COL4A3: variants seen among roughly 807,000 people sequenced by gnomAD.
COL4A3 encodes collagen type IV alpha 3 chain.
A neutral mutation model predicts 217.4 loss-of-function variants in COL4A3; 135 were observed. That is an observed-to-expected ratio of 0.62 (90% CI 0.54 to 0.72). The LOEUF (loss-of-function observed/expected upper bound fraction) is 0.72, where lower values mean the gene tolerates loss of function less well. Among genes scored for constraint, COL4A3 ranks in the 30% least tolerant of loss-of-function variants. COL4A3 has a pLI of 0.00. For missense variants in COL4A3, 1,868 were observed against 2,119.9 expected (o/e 0.88, Z 2.33); for synonymous variants, 690 against 736.3 (o/e 0.94, Z 1.02).
intron 1 of COL4A3, among the ~76,000 whole-genome samples, chr2:227,185,370 T>G (rs909608535): frequency 6.6e-6 from 1 of 152,144 alleles, no homozygotes; most frequent in African/African-American, 2.4e-5. Flanking sequence ...CAAGTGTGAG[T>G]GCACAGTGCT....
intron 1 of COL4A3, among the ~76,000 whole-genome samples, chr2:227,166,386 T>C (rs2065279515): frequency 6.7e-6 from 1 of 148,196 alleles, no homozygotes; most frequent in African/African-American, 2.7e-5. Context: ...GAAATGTGTG[T>C]TGTGGGGAAG....
At chr2:227,294,800 T>C (rs908877015) in intron 39 of COL4A3, among the ~76,000 whole-genome samples, 164 bp from the exon 40 acceptor site, 1 of 152,196 alleles carries the variant, frequency 6.6e-6, no homozygotes, top group Non-Finnish European at 1.5e-5. Flanking sequence ...TGTATGTGGT[T>C]TTCCCTGGGA....
chr2:227,311,670 G>A (rs967106554), intron 51 of COL4A3, 116 bp from the exon 52 acceptor site: 11 of 1,004,266 alleles, frequency 1.1e-5, no homozygotes, highest in South Asian at 8.6e-5. Flanking sequence ...GAGCCACCAC[G>A]CCCGACCCTG....
rs1310347317 is a variant in COL4A3, at chr2:227,253,582, C to T, written c.709C>T (p.Pro237Ser). 1.9e-6 allele frequency: 3 copies of T among 1,613,496 alleles called. No individual in the cohort carries two copies. The highest frequency in any genetic ancestry group is 2.2e-5 in the South Asian group (2 of 91,070). Residue 237 changes from proline to serine, a missense_variant, in exon 13 of 52, where the codon CCC becomes TCC. By Grantham distance (74) the Pro-to-Ser change is moderately conservative. This residue lies in a region of COL4A3 where 365 missense variants were observed against 333.8 expected (regional missense o/e 1.09). Transcript: ENST00000396578. The surrounding 1 kb of genome is among the most constrained non-coding windows in gnomAD (Gnocchi z 4.4). ...TTAGGGTGTGAAAGGGTTAACAGGA[C>T]CCCCGGGACCACCAGGAACAGTTAT... ...GERGVKGLTG[P>S]PGPPGTVIVT...
intron 3 of COL4A3, among the ~76,000 whole-genome samples, chr2:227,241,905 GAC>G: frequency 6.6e-6 from 1 of 152,052 alleles, no homozygotes; most frequent in South Asian, 2.1e-4. Flanking sequence ...TGAGAAAACG[GAC>G]ACAGAGCACT....
Position 227,246,005 on chromosome 2 carries a change from A to C in COL4A3, c.376A>C (p.Ser126Arg). Residue 126 changes from serine to arginine, a missense_variant, in exon 6 of 52, where the codon AGT (serine) becomes CGT (arginine). Ser to Arg is a moderately radical substitution (Grantham distance 110). Transcript: ENST00000396578. Reference protein sequence around the residue: ...PYGLVGVPGCSGSKGEQGFPG... With the variant: ...PYGLVGVPGCRGSKGEQGFPG... ...CGGACTTGTCGGTGTACCAGGATGC[A>C]GTGGTTCTAAGGTAAGTACTTTTCA... 6.2e-7 allele frequency: 1 copy of C among 1,612,942 alleles called. No homozygotes were observed. Among genetic ancestry groups the C allele is most frequent in the East Asian group, 2.2e-5 (1 of 44,872 alleles).
intron 15 of COL4A3, among the ~76,000 whole-genome samples, chr2:227,255,765 G>C (rs1404274237): frequency 6.6e-6 from 1 of 151,762 alleles, no homozygotes; most frequent in Non-Finnish European, 1.5e-5. Flanking sequence ...TCTAATTTAA[G>C]TTTGGCTGTT....
At position 227,240,141 on chromosome 2, in the gene COL4A3, A is replaced by AG. The variant is rs1491358385; in HGVS notation, c.148dup. 1 of 1,605,050 alleles carries AG rather than the reference A, an allele frequency of 6.2e-7. No homozygotes were observed. The highest frequency in any genetic ancestry group is 8.5e-7 in the Non-Finnish European group (1 of 1,175,778). The stretch of plus-strand genomic sequence containing the variant: ...TTTCTCACCTCGTTTTGGTTTTAAC[A>AG]GGGGGAGAAGGGCTTTCCTGGACCC... On this transcript the variant is annotated splice_acceptor_variant, in intron 2 of 51. Transcript: ENST00000396578. LOFTEE classifies it high-confidence loss of function.
intron 1 of COL4A3, among the ~76,000 whole-genome samples, chr2:227,204,536 G>A (rs1478992521): frequency 6.6e-6 from 1 of 152,178 alleles, no homozygotes; most frequent in African/African-American, 2.4e-5. Context: ...GCAAATGATG[G>A]CTGAAGCAGG....
At chr2:227,309,572 G>A (rs562124081) in intron 50 of COL4A3, among the ~76,000 whole-genome samples, 44 of 152,014 alleles carry the variant, frequency 2.9e-4, no homozygotes, top group African/African-American at 8.2e-4. Context: ...TAGTAGCTGC[G>A]TTTTATTGAT....
At chr2:227,281,824 C>T (rs1430174236) in intron 31 of COL4A3, 5 of 152,474 alleles carry the variant, frequency 3.3e-5, no homozygotes, top group African/African-American at 1.2e-4. Context: ...ACTTGTATTA[C>T]TGCATAAATC....
chr2:227,241,188 A>T (rs2068999028), intron 3 of COL4A3, among the ~76,000 whole-genome samples: 1 of 152,204 alleles, frequency 6.6e-6, no homozygotes, highest in South Asian at 2.1e-4. Context: ...AAATAACTGA[A>T]TAACCACTGG....
chr2:227,236,618 G>A lies in COL4A3; in HGVS notation c.88-1350G>A, dbSNP rs544722512. Among the ~76,000 whole-genome samples the A allele has an allele frequency of 1.5e-4, 23 of 152,114 alleles. No individual in the cohort carries two copies. In the East Asian group the frequency reaches 4.4e-3, roughly 29 times the overall value. On this transcript the variant is annotated intron_variant, in intron 1 of 51. Coordinates refer to ENST00000396578, the MANE Select transcript of COL4A3 (RefSeq NM_000091.5). ...CTGAAGAAAAAATAATAAAGCAAAG[G>A]ATTAATATGTAACCATATAATATGC...
chr2:227,272,904 T>C, intron 25 of COL4A3, 45 bp from the exon 26 acceptor site: 1 of 1,595,468 alleles, frequency 6.3e-7, no homozygotes. Flanking sequence ...GTTGTAAGAA[T>C]ATACTGGAAT....
At position 227,250,171 on chromosome 2, in the gene COL4A3, G is replaced by A. The variant is rs2069643769; in HGVS notation, c.547-969G>A. 6.6e-6 allele frequency among the ~76,000 whole-genome samples: 1 copy of A among 152,086 alleles called. No homozygotes were observed. Among genetic ancestry groups the A allele is most frequent in the African/African-American group, 2.4e-5 (1 of 41,412 alleles). ...CTACTAAAGACACAAAAATTAGCCA[G>A]GTGTGGTGGCGTGCGCCTGTAGTTC... is the stretch of plus-strand genomic sequence containing the variant. On this transcript the variant is annotated intron_variant, in intron 9 of 51. Transcript: ENST00000396578. The surrounding 1 kb of genome is among the most constrained non-coding windows in gnomAD (Gnocchi z 4.1).
intron 35 of COL4A3, 50 bp downstream of exon 35, chr2:227,289,298 A>G: frequency 6.9e-7 from 1 of 1,448,726 alleles, no homozygotes; most frequent in Non-Finnish European, 9.6e-7. Context: ...ACTTTCCTAC[A>G]TCTAAAGTAA....
chr2:227,229,742 AC>A (rs1416973649), intron 1 of COL4A3, among the ~76,000 whole-genome samples: 1 of 152,116 alleles, frequency 6.6e-6, no homozygotes, highest in Non-Finnish European at 1.5e-5. Context: ...AGATGGGGGA[AC>A]CTGGAAGGAT....
chr2:227,312,903 T>A lies in COL4A3; in HGVS notation c.*1033T>A, dbSNP rs2106301108. The A allele has an allele frequency of 6.7e-6, 1 of 149,376 alleles. No individual in the cohort carries two copies. The highest frequency in any genetic ancestry group is 1.5e-5 in the Non-Finnish European group (1 of 67,280). The allele number at this position is 149,376 out of a possible 1,614,324, so 9.3% of individuals were successfully genotyped here. A position where few individuals can be genotyped will look rare whatever the true frequency, so the allele number is the denominator to read the frequency against. ...TAGGTTTTACAGATTTATTCCTTTG[T>A]TACTTCTCTAATTCTTCCTTTGTAA... On this transcript the variant is annotated 3_prime_UTR_variant, in exon 52 of 52. Transcript: ENST00000396578.
chr2:227,213,688 G>A (rs541740924), intron 1 of COL4A3, among the ~76,000 whole-genome samples: 27 of 152,200 alleles, frequency 1.8e-4, no homozygotes, highest in South Asian at 1.0e-3. Context: ...CGGATCACAA[G>A]GTCAGGAGAT....
Sources: allele counts gnomAD v4.1 joint callset (sites outside exome capture counted in the v4.1 genomes callset), GRCh38; gene constraint gnomAD v4.1.1; regional missense constraint gnomAD v4.1.1; non-coding constraint Gnocchi (gnomAD v3.1); transcripts MANE v1.5; gene names NCBI Gene and HGNC (gene_info 2026-07-23, HGNC 2026-07-21).